The following IL25 variants were observed in gnomAD, a reference collection of about 807,000 sequenced individuals.
IL25 encodes interleukin-25.
A neutral mutation model predicts 13.2 loss-of-function variants in IL25; 10 were observed. That is an observed-to-expected ratio of 0.76 (90% confidence interval 0.47 to 1.29). The LOEUF (loss-of-function observed/expected upper bound fraction) is 1.29, where lower values mean the gene tolerates loss of function less well. Ranked by LOEUF, IL25 falls within the 50% of genes most tolerant of loss-of-function variation. IL25 has a pLI of 0.00. For synonymous variants in IL25, 107 were observed against 92.1 expected, an observed-to-expected ratio of 1.16 and a Z score of -0.93; for missense variants, 235 against 232.4, an observed-to-expected ratio of 1.01 and a Z score of -0.07.
chr14:23,376,212 C>G (rs924540235), exon 2 of IL25: 32 of 308,764 alleles, frequency 1.0e-4, no homozygotes, highest in Non-Finnish European at 1.7e-4. Flanking sequence ...CAGGCACTTT[C>G]TAGATATTTC....
At chr14:23,373,437 C>G (rs766586608) in intron 1 of IL25, 41 bp downstream of exon 2, 63 of 1,559,876 alleles carry the variant, frequency 4.0e-5, no homozygotes, top group Non-Finnish European at 5.3e-5. Context: ...CCTGTGTGTG[C>G]TGGCCAGGGT....
At chr14:23,373,106 G>C (rs774451003) in exon 1 of IL25, 5 of 1,613,852 alleles carry the variant, frequency 3.1e-6, no homozygotes, top group Admixed American at 3.3e-5. Flanking sequence ...GGGATCCCAG[G>C]GGGAGGGTGC....
At chr14:23,374,017 T>C (rs950122495) in intron 1 of IL25, among the ~76,000 whole-genome samples, 4 of 152,244 alleles carry the variant, frequency 2.6e-5, no homozygotes, top group African/African-American at 9.6e-5. Context: ...TGCTGAAATA[T>C]GAATGATGAA....
At chr14:23,375,988 G>T in exon 2 of IL25, 1 of 1,424,112 alleles carries the variant, frequency 7.0e-7, no homozygotes, top group Admixed American at 2.0e-5. Context: ...GTGAAGTGCT[G>T]TCTGGAGCAG....
intron 1 of IL25, 115 bp downstream of exon 2, chr14:23,373,511 G>T (rs559061988): frequency 1.1e-6 from 1 of 884,328 alleles, no homozygotes; most frequent in Non-Finnish European, 1.7e-6. Context: ...GGGCTGTAAA[G>T]GTTTGGGAGT....
chr14:23,376,040 C>A (rs552552177), exon 2 of IL25: 3 of 888,792 alleles, frequency 3.4e-6, no homozygotes, highest in Admixed American at 5.7e-5. Context: ...GGAAAGCCTG[C>A]ACTTCTGCAC....
chr14:23,375,798 C>A, exon 2 of IL25: 1 of 1,614,250 alleles, frequency 6.2e-7, no homozygotes, highest in Non-Finnish European at 8.5e-7. Context: ...GAGAAGGGCA[C>A]CCACAAGGGC....
exon 1 of IL25, chr14:23,373,277 G>A: frequency 6.2e-7 from 1 of 1,614,176 alleles, no homozygotes; most frequent in Non-Finnish European, 8.5e-7. Flanking sequence ...AGCTGCTGAG[G>A]TGGAGCACTG....
chr14:23,375,533 G>C (rs907132767), intron 1 of IL25, 92 bp from the exon 3 acceptor site: 4 of 1,488,684 alleles, frequency 2.7e-6, no homozygotes, highest in Admixed American at 3.7e-5. Context: ...GGCCCCAGAC[G>C]GACCATTTCC....
At chr14:23,374,712 A>G (rs1595036482) in intron 1 of IL25, among the ~76,000 whole-genome samples, 1 of 144,168 alleles carries the variant, frequency 6.9e-6, no homozygotes, top group Admixed American at 6.8e-5. Context: ...AGTGTTTTTC[A>G]TCTTTCTTTC....
At chr14:23,372,968 T>G (rs373208395) in exon 1 of IL25, 2 of 1,613,736 alleles carry the variant, frequency 1.2e-6, no homozygotes, top group East Asian at 2.2e-5. Context: ...GTGCCCAGCA[T>G]GTACCAGGTC....
intron 1 of IL25, 52 bp from the exon 3 acceptor site, chr14:23,375,573 C>G: frequency 6.3e-7 from 1 of 1,587,960 alleles, no homozygotes; most frequent in Admixed American, 1.7e-5. Context: ...CCACCCCACC[C>G]TCTCTGTTTC....
At chr14:23,373,768 A>G (rs1463938414) in intron 1 of IL25, among the ~76,000 whole-genome samples, 1 of 152,182 alleles carries the variant, frequency 6.6e-6, no homozygotes, top group Non-Finnish European at 1.5e-5. Context: ...ATTAGGGAAT[A>G]ATGGCATGAT....
In IL25 at chr14:23,375,720, A is replaced by AC. The variant is rs1890532951; in HGVS notation, c.379dup (p.Arg127ProfsTer86). ...AGCCTACAGACAGGCTCCCACATGG[A>AC]CCCCCGGGGCAACTCGGAGCTGCTC... On this transcript the variant is annotated frameshift_variant, in exon 2 of 2. Coordinates refer to ENST00000329715, the Ensembl canonical transcript of IL25. LOFTEE classifies it high-confidence loss of function. 2 of 1,613,740 alleles carry AC rather than the reference A, an allele frequency of 1.2e-6. No homozygotes were observed.
exon 2 of IL25, chr14:23,376,053 T>A: frequency 1.2e-6 from 1 of 831,110 alleles, no homozygotes; most frequent in Non-Finnish European, 1.8e-6. Context: ...TTCTGCACAT[T>A]TTGAAAAGAG....
chr14:23,373,228 C>T, exon 1 of IL25: 2 of 1,614,220 alleles, frequency 1.2e-6, no homozygotes, highest in Non-Finnish European at 1.7e-6. Flanking sequence ...AGCCACTGGC[C>T]CAGCTGCTGC....
chr14:23,374,928 A>C (rs1293142539), intron 1 of IL25, among the ~76,000 whole-genome samples: 1 of 152,084 alleles, frequency 6.6e-6, no homozygotes, highest in East Asian at 1.9e-4. Flanking sequence ...TAATACTTGG[A>C]TGTCAGAGTG....
exon 2 of IL25, chr14:23,375,636 A>G (rs1401752589): frequency 6.2e-7 from 1 of 1,613,692 alleles, no homozygotes. Context: ...TTGGACAGAG[A>G]CTTGAACCGG....
chr14:23,375,691 C>G (rs973711361), exon 2 of IL25: 11 of 1,614,206 alleles, frequency 6.8e-6, no homozygotes, highest in East Asian at 2.2e-5. Context: ...GCCCGCACTG[C>G]GTCAGCCTAC....
Sources: gnomAD v4.1 joint callset for allele counts (sites outside exome capture counted in the v4.1 genomes callset) on GRCh38, gnomAD v4.1.1 for gene constraint, MANE v1.5 for transcripts, NCBI Gene and HGNC (gene_info 2026-07-23, HGNC 2026-07-21) for gene names.